Variants in SLCO3A1 observed in about 807,000 individuals in gnomAD.
The protein encoded by SLCO3A1 is PGE1 transporter.
Under a neutral mutation model 63.1 loss-of-function variants are expected in SLCO3A1, and 27 were observed. The ratio of observed to expected loss-of-function variants is 0.43; its 90% CI spans 0.32 to 0.59. The LOEUF is 0.59. SLCO3A1 is among the 20% of genes least tolerant of loss of function. The pLI is 0.09. For synonymous variants in SLCO3A1, 473 were observed against 409.9 expected, an observed-to-expected ratio of 1.15 and a Z score of -1.86; for missense variants, 773 against 945.8, an observed-to-expected ratio of 0.82 and a Z score of 2.40.
At chr15:92,096,105 T>A (rs1260118308) in intron 3 of SLCO3A1, among the ~76,000 whole-genome samples, 3 of 152,194 alleles carry the variant, frequency 2.0e-5, no homozygotes, top group African/African-American at 7.2e-5. Context: ...GGGTCTCTTA[T>A]GAGGCTGCAG....
chr15:91,939,753 C>G (rs1899553277), intron 2 of SLCO3A1, among the ~76,000 whole-genome samples: 1 of 152,176 alleles, frequency 6.6e-6, no homozygotes, highest in Non-Finnish European at 1.5e-5. Flanking sequence ...CCATTCTCCT[C>G]CACACCTTTG....
intron 1 of SLCO3A1, among the ~76,000 whole-genome samples, chr15:91,873,972 T>A (rs983498428): frequency 1.3e-5 from 2 of 152,200 alleles, no homozygotes; most frequent in Non-Finnish European, 2.9e-5. Context: ...CATTTTGAAG[T>A]GTACAGTGAA....
At chr15:91,972,955 T>C (rs1900937658) in intron 2 of SLCO3A1, among the ~76,000 whole-genome samples, 1 of 152,178 alleles carries the variant, frequency 6.6e-6, no homozygotes, top group African/African-American at 2.4e-5. Flanking sequence ...GCCCCGTCTC[T>C]ACTAAATATA....
intron 9 of SLCO3A1, among the ~76,000 whole-genome samples, chr15:92,156,679 A>G (rs1596155241): frequency 6.6e-6 from 1 of 152,256 alleles, no homozygotes; most frequent in African/African-American, 2.4e-5. Flanking sequence ...ACCTTCCAGG[A>G]GAATACACTT....
At chr15:92,010,539 C>T (rs2151461758) in intron 2 of SLCO3A1, among the ~76,000 whole-genome samples, 1 of 152,224 alleles carries the variant, frequency 6.6e-6, no homozygotes, top group Middle Eastern at 3.4e-3. Context: ...ATAATAAATC[C>T]TTGTGCATTT....
chr15:92,139,715 G>A (rs2048104469), intron 7 of SLCO3A1, among the ~76,000 whole-genome samples: 1 of 152,168 alleles, frequency 6.6e-6, no homozygotes, highest in South Asian at 2.1e-4. Context: ...GAGAGTGTAT[G>A]TGTCGAGGAA....
intron 1 of SLCO3A1, among the ~76,000 whole-genome samples, chr15:91,910,833 G>A (rs768350612): frequency 6.6e-6 from 1 of 152,206 alleles, no homozygotes; most frequent in African/African-American, 2.4e-5. Flanking sequence ...TTGCAGGTGG[G>A]AGGACACGCA....
chr15:91,887,130 G>A (rs1313086953), intron 1 of SLCO3A1, among the ~76,000 whole-genome samples: 1 of 152,234 alleles, frequency 6.6e-6, no homozygotes, highest in East Asian at 1.9e-4. Flanking sequence ...TCAGTGCTGG[G>A]TCATAGACAG....
At chr15:92,034,883 G>A (rs974382558) in intron 2 of SLCO3A1, among the ~76,000 whole-genome samples, 5 of 151,932 alleles carry the variant, frequency 3.3e-5, no homozygotes, top group African/African-American at 1.2e-4. Context: ...AGCTCTAACT[G>A]TCATTCGCTG....
At chr15:91,995,245 G>T (rs1266788795) in intron 2 of SLCO3A1, among the ~76,000 whole-genome samples, 1 of 152,144 alleles carries the variant, frequency 6.6e-6, no homozygotes, top group Non-Finnish European at 1.5e-5. Flanking sequence ...AGAGACCTGG[G>T]TTCAAATCCC....
intron 2 of SLCO3A1, among the ~76,000 whole-genome samples, chr15:92,090,192 T>C (rs1266372128): frequency 2.6e-5 from 4 of 152,210 alleles, no homozygotes; most frequent in African/African-American, 7.2e-5. Flanking sequence ...ACAGCAACTA[T>C]GGAAAACTCA....
At chr15:92,021,603 C>A (rs1257834289) in intron 2 of SLCO3A1, among the ~76,000 whole-genome samples, 2 of 152,058 alleles carry the variant, frequency 1.3e-5, no homozygotes, top group African/African-American at 2.4e-5. Context: ...TCATAGATTT[C>A]CGTAATAGTT....
intron 2 of SLCO3A1, among the ~76,000 whole-genome samples, chr15:92,029,513 T>C (rs541889559): frequency 1.3e-5 from 2 of 152,352 alleles, no homozygotes; most frequent in East Asian, 3.9e-4. Flanking sequence ...ATGTGAACAT[T>C]TGTTTTTGAA....
At chr15:91,963,837 C>T (rs571013157) in intron 2 of SLCO3A1, among the ~76,000 whole-genome samples, 25 of 152,090 alleles carry the variant, frequency 1.6e-4, no homozygotes, top group African/African-American at 5.3e-4. Context: ...TTGTGAAGAG[C>T]GAAAGAACAA....
intron 2 of SLCO3A1, among the ~76,000 whole-genome samples, chr15:92,051,204 C>T (rs539499611): frequency 1.3e-5 from 2 of 152,274 alleles, no homozygotes; most frequent in African/African-American, 4.8e-5. Context: ...GGCTTCAGGG[C>T]AGTGGTAACA....
chr15:91,983,385 C>A, intron 2 of SLCO3A1, among the ~76,000 whole-genome samples: 1 of 152,290 alleles, frequency 6.6e-6, no homozygotes, highest in Non-Finnish European at 1.5e-5. Context: ...TCTCTGGCAT[C>A]CCCAGGAGGA....
chr15:91,931,141 G>A (rs998775927), intron 2 of SLCO3A1, among the ~76,000 whole-genome samples: 1 of 152,190 alleles, frequency 6.6e-6, no homozygotes, highest in Admixed American at 6.5e-5. Flanking sequence ...CTTCCAAACC[G>A]TAGTTACTGT....
At chr15:91,978,413 C>A (rs908954739) in intron 2 of SLCO3A1, among the ~76,000 whole-genome samples, 3 of 152,168 alleles carry the variant, frequency 2.0e-5, no homozygotes, top group Non-Finnish European at 4.4e-5. Flanking sequence ...GAACATGTGG[C>A]CTTTTAGATT....
rs762381458 is a variant in SLCO3A1 at position 91,889,176 on chromosome 15, A to G, written c.181-26817A>G. On this transcript the variant is annotated intron_variant, in intron 1 of 9. Coordinates refer to ENST00000318445, the MANE Select transcript of SLCO3A1 (RefSeq NM_013272.4). The stretch of plus-strand genomic sequence containing the variant: ...TTATTGTTCCTTGACTGATGTCATA[A>G]CACTGGAGATGCATGCTCCTTAGAT... 3.9e-6 allele frequency: 5 copies of G among 1,287,618 alleles called. No individual in the cohort carries two copies. In the South Asian group the frequency reaches 6.2e-5, roughly 16 times the overall value. 79.8% of individuals were successfully genotyped at this position (1,287,618 alleles called of 1,614,324 possible). A position where few individuals can be genotyped will look rare whatever the true frequency, so the allele number is the denominator to read the frequency against.
Sources: allele counts gnomAD v4.1 joint callset (sites outside exome capture counted in the v4.1 genomes callset), GRCh38; gene constraint gnomAD v4.1.1; transcripts MANE v1.5; gene names NCBI Gene and HGNC (gene_info 2026-07-23, HGNC 2026-07-21).